TENM3: variants seen among roughly 807,000 people sequenced by gnomAD.
TENM3 encodes the protein teneurin-3.
Under a neutral mutation model 255.1 loss-of-function variants are expected in TENM3, and 63 were observed. That is an observed-to-expected ratio of 0.25 (90% confidence interval 0.20 to 0.30). The LOEUF is 0.30. Ranked by LOEUF, TENM3 falls within the 10% of genes least tolerant of loss-of-function variation. The pLI, the probability that TENM3 is intolerant of heterozygous loss-of-function variation, is 1.00. For synonymous variants in TENM3, 1,306 were observed against 1,322.3 expected (o/e 0.99, Z 0.27); for missense variants, 2,929 against 3,461.1 (o/e 0.85, Z 3.86).
rs560528296 is a variant in TENM3, at chr4:182,264,882, G to A, written c.-76+21406G>A. On this transcript the variant is annotated intron_variant, in intron 1 of 27. Coordinates refer to ENST00000511685, the MANE Select transcript of TENM3 (RefSeq NM_001080477.4). ...AAACAAGCTATAAATATATTTAAAA[G>A]GCCTTTATGTTTTTCTCTTCTTGGA... 2.6e-5 allele frequency among the ~76,000 whole-genome samples: 4 copies of A among 152,156 alleles called. No homozygotes were observed. The East Asian group carries it at 7.7e-4, about 29-fold the overall frequency.
chr4:181,888,494 G>GTATATATATGTATGTATATATA, the TENM3 span, among the ~76,000 whole-genome samples: 3 of 28,242 alleles, frequency 1.1e-4, no homozygotes, highest in African/African-American at 5.1e-4. Flanking sequence ...ATAGAAATGT[G>GTATATATATGTATGTATATATA]TATATATATA....
At chr4:182,619,217 G>A (rs1401965295) in intron 4 of TENM3, among the ~76,000 whole-genome samples, 2 of 152,046 alleles carry the variant, frequency 1.3e-5, no homozygotes, top group African/African-American at 4.8e-5. Flanking sequence ...CACGAGGTCA[G>A]GAGATCAAGA....
intron 1 of TENM3, among the ~76,000 whole-genome samples, chr4:182,205,754 TC>T (rs1342956428): frequency 6.6e-6 from 1 of 152,230 alleles, no homozygotes; most frequent in African/African-American, 2.4e-5. Context: ...ACTGCTATCT[TC>T]CCCTTGTGGA....
the TENM3 span, among the ~76,000 whole-genome samples, chr4:181,497,320 C>T: frequency 2.0e-5 from 3 of 152,260 alleles, no homozygotes; most frequent in East Asian, 5.8e-4. Flanking sequence ...CTATCCCACA[C>T]TATTTATGAG....
chr4:181,943,897 G>T, the TENM3 span, among the ~76,000 whole-genome samples: 841 of 152,174 alleles, frequency 5.5e-3, 4 homozygotes, highest in African/African-American at 0.019. Flanking sequence ...TCAAATTATA[G>T]CTCTTTCTCT....
the TENM3 span, among the ~76,000 whole-genome samples, chr4:181,884,636 A>C: frequency 6.6e-6 from 1 of 152,182 alleles, no homozygotes; most frequent in Non-Finnish European, 1.5e-5. Context: ...TCAGAATTTT[A>C]TCTCTTTCGA....
the TENM3 span, among the ~76,000 whole-genome samples, chr4:181,775,505 G>A: frequency 3.4e-4 from 52 of 152,214 alleles, no homozygotes; most frequent in Non-Finnish European, 5.9e-4. Context: ...AATTAGTCAC[G>A]TGATGAATTA....
intron 12 of TENM3, among the ~76,000 whole-genome samples, chr4:182,708,486 C>T (rs538295383): frequency 1.3e-5 from 2 of 152,330 alleles, no homozygotes; most frequent in African/African-American, 4.8e-5. Context: ...GAACCCAAAA[C>T]TTTCACCAGT....
the TENM3 span, among the ~76,000 whole-genome samples, chr4:181,745,861 T>C: frequency 6.6e-6 from 1 of 152,286 alleles, no homozygotes; most frequent in South Asian, 2.1e-4. Context: ...CCCAGTTTGG[T>C]CTGTGTGTTG....
At chr4:181,809,290 A>G in the TENM3 span, among the ~76,000 whole-genome samples, 10 of 152,224 alleles carry the variant, frequency 6.6e-5, no homozygotes, top group African/African-American at 2.4e-4. Context: ...TGCACAGCAG[A>G]GTGGAGTGAA....
intron 3 of TENM3, among the ~76,000 whole-genome samples, chr4:182,432,302 G>C (rs1771719777): frequency 6.6e-6 from 1 of 152,022 alleles, no homozygotes; most frequent in Non-Finnish European, 1.5e-5. Flanking sequence ...CTATTTTGTT[G>C]GACATCAACC....
intron 1 of TENM3, among the ~76,000 whole-genome samples, chr4:182,251,545 G>A (rs1758013955): frequency 6.6e-6 from 1 of 152,140 alleles, no homozygotes; most frequent in Non-Finnish European, 1.5e-5. Flanking sequence ...TTAAATTACG[G>A]CTATGCTTTT....
At chr4:181,783,570 C>T in the TENM3 span, among the ~76,000 whole-genome samples, 1 of 152,130 alleles carries the variant, frequency 6.6e-6, no homozygotes, top group African/African-American at 2.4e-5. Flanking sequence ...TTATTCCCAT[C>T]CTAAAAGTTC....
At chr4:181,669,714 T>A in the TENM3 span, among the ~76,000 whole-genome samples, 3 of 152,276 alleles carry the variant, frequency 2.0e-5, no homozygotes, top group Non-Finnish European at 4.4e-5. Context: ...AAACCTGGGA[T>A]GTCTATCTAG....
chr4:181,538,773 G>T, the TENM3 span, among the ~76,000 whole-genome samples: 1 of 152,176 alleles, frequency 6.6e-6, no homozygotes, highest in African/African-American at 2.4e-5. Flanking sequence ...TTCCTTTTCA[G>T]AGAGTAGAAT....
intron 3 of TENM3, among the ~76,000 whole-genome samples, chr4:182,368,883 C>G (rs916447874): frequency 2.0e-5 from 3 of 152,102 alleles, no homozygotes; most frequent in African/African-American, 7.2e-5. Flanking sequence ...TCTGTTGACC[C>G]TTTCCATGAG....
the TENM3 span, among the ~76,000 whole-genome samples, chr4:181,720,951 G>A: frequency 6.6e-6 from 1 of 152,130 alleles, no homozygotes; most frequent in Non-Finnish European, 1.5e-5. Context: ...GAGGTGGCCA[G>A]GCTCTGAGAG....
At chr4:182,379,836 C>A (rs4862048) in intron 3 of TENM3, among the ~76,000 whole-genome samples, 149,230 of 152,266 alleles carry the variant, frequency 0.98, 73,173 homozygotes, top group Non-Finnish European at 1. Flanking sequence ...CCTCGTCAAT[C>A]AAGGGGGTTA....
At chr4:181,483,265 A>AT in the TENM3 span, among the ~76,000 whole-genome samples, 1 of 151,988 alleles carries the variant, frequency 6.6e-6, no homozygotes, top group Non-Finnish European at 1.5e-5. Context: ...TTTAATTACT[A>AT]TTTTTACAGC....
Sources: allele counts gnomAD v4.1 joint callset (sites outside exome capture counted in the v4.1 genomes callset), GRCh38; gene constraint gnomAD v4.1.1; transcripts MANE v1.5; gene names NCBI Gene and HGNC (gene_info 2026-07-23, HGNC 2026-07-21).